CAB39L: variants seen among roughly 807,000 people sequenced by gnomAD.
CAB39L encodes the protein calcium-binding protein 39-like.
CAB39L carries 23 observed loss-of-function variants against 39.1 expected under a neutral mutation model. The ratio of observed to expected loss-of-function variants is 0.59; its 90% CI spans 0.42 to 0.83. The LOEUF is 0.83. Among genes scored for constraint, CAB39L ranks in the 40% least tolerant of loss-of-function variants. The pLI is 0.00. For missense variants in CAB39L, 366 were observed against 391.9 expected (o/e 0.93, Z 0.56); for synonymous variants, 126 against 137.2 (o/e 0.92, Z 0.57).
chr13:49,384,721 A>G (rs1399216129), intron 3 of CAB39L, among the ~76,000 whole-genome samples: 1 of 152,192 alleles, frequency 6.6e-6, no homozygotes, highest in Admixed American at 6.5e-5. Context: ...ACAGGCATGA[A>G]AACAACATTA....
Position 49,310,907 on chromosome 13 carries a change from G to A in CAB39L, c.921C>T (p.Ser307=). The change falls in exon 11 of 11, where the codon AGC becomes AGT. Residue 307 remains serine (S), a synonymous_variant. Coordinates refer to ENST00000409308, the MANE Select transcript of CAB39L (RefSeq NM_001079670.3). ...NQPKLIEFLS[S]FQKERTDDEQ... Reference sequence around the variant, plus strand: ...CATCATCCGTCCTTTCTTTTTGGAAGCTGCTCAGAAACTCAATGAGTTTGG... The same window carrying A: ...CATCATCCGTCCTTTCTTTTTGGAAACTGCTCAGAAACTCAATGAGTTTGG... The A allele has an allele frequency of 6.2e-7, 1 of 1,614,170 alleles. No homozygotes were observed. Among genetic ancestry groups the A allele is most frequent in the Non-Finnish European group, 8.5e-7 (1 of 1,180,020 alleles).
intron 3 of CAB39L, among the ~76,000 whole-genome samples, chr13:49,405,725 GGAAGGA>G (rs1956859080): frequency 1.6e-5 from 2 of 124,076 alleles, no homozygotes; most frequent in African/African-American, 3.3e-5. Flanking sequence ...GAGAGAGGAA[GGAAGGA>G]AGGAAGGAAG....
chr13:49,423,814 T>G (rs1957207275), intron 3 of CAB39L, among the ~76,000 whole-genome samples: 1 of 152,128 alleles, frequency 6.6e-6, no homozygotes, highest in Non-Finnish European at 1.5e-5. Context: ...TCATCATCTA[T>G]AAGGTGAAAC....
chr13:49,312,005 C>T lies in CAB39L; in HGVS notation c.835-1012G>A, dbSNP rs367967420. On this transcript the variant is annotated intron_variant, in intron 10 of 10. Transcript: ENST00000409308. Reference sequence around the variant, plus strand: ...AACTCCTGGGCTCAAGCGATCCTCCCGCCTCAGCTTCCCCAGTGGCTAGGA... The same window carrying T: ...AACTCCTGGGCTCAAGCGATCCTCCTGCCTCAGCTTCCCCAGTGGCTAGGA... Among the ~76,000 whole-genome samples, 69 of 152,256 alleles carry T rather than the reference C, an allele frequency of 4.5e-4. No individual in the cohort carries two copies. The East Asian group carries it at 4.8e-3, about 11-fold the overall frequency.
chr13:49,344,375 A>G (rs558464771), intron 7 of CAB39L, 137 bp from the exon 8 acceptor site: 1 of 594,054 alleles, frequency 1.7e-6, no homozygotes, highest in African/African-American at 1.9e-5. Flanking sequence ...TTCCATTCCT[A>G]GCTTAGCCTA....
At chr13:49,388,351 C>T (rs1319726229) in intron 3 of CAB39L, among the ~76,000 whole-genome samples, 1 of 152,194 alleles carries the variant, frequency 6.6e-6, no homozygotes, top group African/African-American at 2.4e-5. Flanking sequence ...TAAGACCCAA[C>T]ATTCAGTGTC....
chr13:49,362,250 A>C (rs1955657222), intron 5 of CAB39L, among the ~76,000 whole-genome samples: 1 of 152,138 alleles, frequency 6.6e-6, no homozygotes, highest in Admixed American at 6.5e-5. Flanking sequence ...ACTGAACTAA[A>C]TAAGACACCA....
intron 3 of CAB39L, among the ~76,000 whole-genome samples, chr13:49,389,690 AAATGGCT>A (rs1956445941): frequency 6.6e-6 from 1 of 152,184 alleles, no homozygotes; most frequent in African/African-American, 2.4e-5. Context: ...ACAAAAGAGA[AAATGGCT>A]ATATCTTCAT....
intron 6 of CAB39L, among the ~76,000 whole-genome samples, chr13:49,353,941 T>A (rs1045401747): frequency 2.0e-5 from 3 of 152,126 alleles, no homozygotes; most frequent in Non-Finnish European, 2.9e-5. Flanking sequence ...TTAATGAACC[T>A]CAAACTGAAG....
At chr13:49,404,027 A>G (rs1406938826) in intron 3 of CAB39L, among the ~76,000 whole-genome samples, 1 of 152,260 alleles carries the variant, frequency 6.6e-6, no homozygotes, top group Non-Finnish European at 1.5e-5. Flanking sequence ...TTGAATAAAC[A>G]TCAGCAGTAG....
chr13:49,398,122 G>A (rs1431160839), intron 3 of CAB39L, among the ~76,000 whole-genome samples: 2 of 152,016 alleles, frequency 1.3e-5, no homozygotes, highest in Non-Finnish European at 2.9e-5. Flanking sequence ...TCCCCAAGCT[G>A]TTCAAAGTTG....
intron 10 of CAB39L, among the ~76,000 whole-genome samples, chr13:49,323,911 T>C (rs991333593): frequency 1.3e-5 from 2 of 152,202 alleles, no homozygotes; most frequent in African/African-American, 4.8e-5. Context: ...CGTGCAGTGC[T>C]ATACTTTGGC....
At chr13:49,353,082 G>A (rs1301703853) in intron 6 of CAB39L, among the ~76,000 whole-genome samples, 1 of 152,188 alleles carries the variant, frequency 6.6e-6, no homozygotes, top group African/African-American at 2.4e-5. Context: ...TATGCAGAAT[G>A]ATATTCACAA....
intron 3 of CAB39L, among the ~76,000 whole-genome samples, chr13:49,419,247 C>T (rs1460450297): frequency 2.0e-5 from 3 of 152,202 alleles, no homozygotes; most frequent in African/African-American, 7.2e-5. Context: ...GGATTACAGG[C>T]GTGAACCACC....
intron 10 of CAB39L, among the ~76,000 whole-genome samples, chr13:49,320,051 T>G (rs1405405377): frequency 6.6e-6 from 1 of 152,194 alleles, no homozygotes; most frequent in African/African-American, 2.4e-5. Context: ...TTTTTATTTT[T>G]TATGGCTTCT....
intron 5 of CAB39L, among the ~76,000 whole-genome samples, chr13:49,361,504 A>C: frequency 6.8e-6 from 1 of 146,314 alleles, no homozygotes; most frequent in South Asian, 2.2e-4. Context: ...AAAAAAAGAG[A>C]CAGAAAGAAA....
intron 7 of CAB39L, among the ~76,000 whole-genome samples, chr13:49,350,518 C>T (rs1261687316): frequency 6.6e-6 from 1 of 152,212 alleles, no homozygotes; most frequent in Non-Finnish European, 1.5e-5. Flanking sequence ...CTGGAATTCA[C>T]TCCATTTGAG....
chr13:49,424,105 C>G (rs1226104315), intron 3 of CAB39L, among the ~76,000 whole-genome samples: 1 of 152,166 alleles, frequency 6.6e-6, no homozygotes, highest in Non-Finnish European at 1.5e-5. Context: ...GCAGGTGGAA[C>G]ATAACTCCCC....
intron 3 of CAB39L, among the ~76,000 whole-genome samples, chr13:49,424,026 A>G (rs959821271): frequency 2.0e-5 from 3 of 152,216 alleles, no homozygotes; most frequent in Non-Finnish European, 4.4e-5. Flanking sequence ...ATACTGACAT[A>G]AGCTATTGAA....
Sources: gnomAD v4.1 joint callset for allele counts (sites outside exome capture counted in the v4.1 genomes callset) on GRCh38, gnomAD v4.1.1 for gene constraint, MANE v1.5 for transcripts, NCBI Gene and HGNC (gene_info 2026-07-23, HGNC 2026-07-21) for gene names.